The following EEFSEC variants were observed in gnomAD, a reference collection of about 807,000 sequenced individuals.
EEFSEC encodes the protein eukaryotic elongation factor, selenocysteine-tRNA specific.
In EEFSEC, 43 loss-of-function variants were observed where a neutral mutation model predicts 42.1. The ratio of observed to expected loss-of-function variants is 1.02; its 90% confidence interval spans 0.80 to 1.32. The LOEUF (loss-of-function observed/expected upper bound fraction) is 1.32. Ranked by LOEUF, EEFSEC falls within the 40% of genes most tolerant of loss-of-function variation. The pLI is 0.00. For missense variants in EEFSEC, 745 were observed against 803.6 expected, an observed-to-expected ratio of 0.93 and a Z score of 0.88; for synonymous variants, 354 against 339.1, an observed-to-expected ratio of 1.04 and a Z score of -0.48.
chr3:128,379,344 C>T (rs2067746886), intron 6 of EEFSEC, among the ~76,000 whole-genome samples: 1 of 152,190 alleles, frequency 6.6e-6, no homozygotes, highest in Non-Finnish European at 1.5e-5. Context: ...ATTATATGAA[C>T]CCCATCGAAG....
chr3:128,338,720 G>A (rs1037127909), intron 4 of EEFSEC, among the ~76,000 whole-genome samples: 2 of 152,196 alleles, frequency 1.3e-5, no homozygotes, highest in Non-Finnish European at 2.9e-5. Context: ...GCTGCATGGT[G>A]GAGGCTTCCT....
At chr3:128,218,869 G>C (rs1057421969) in intron 1 of EEFSEC, among the ~76,000 whole-genome samples, 1 of 152,176 alleles carries the variant, frequency 6.6e-6, no homozygotes, top group African/African-American at 2.4e-5. Flanking sequence ...TAGACTTCCT[G>C]CTAAGGAACA....
intron 6 of EEFSEC, among the ~76,000 whole-genome samples, chr3:128,400,942 A>G (rs1315657016): frequency 2.6e-5 from 4 of 152,162 alleles, no homozygotes; most frequent in African/African-American, 9.7e-5. Flanking sequence ...ACGGGAAGCC[A>G]TGAGGAGCAG....
chr3:128,424,558 C>G, the EEFSEC span, among the ~76,000 whole-genome samples: 1 of 151,094 alleles, frequency 6.6e-6, no homozygotes, highest in African/African-American at 2.4e-5. Context: ...ATTTTTTTTT[C>G]TTTATTGGTA....
intron 1 of EEFSEC, among the ~76,000 whole-genome samples, chr3:128,243,667 G>C (rs1559883797): frequency 6.6e-6 from 1 of 152,210 alleles, no homozygotes. Context: ...GTGAACCTGG[G>C]GCAGGTGTTC....
intron 1 of EEFSEC, among the ~76,000 whole-genome samples, chr3:128,227,965 C>G (rs934672292): frequency 6.6e-6 from 1 of 152,178 alleles, no homozygotes; most frequent in African/African-American, 2.4e-5. Context: ...TTCAACTTTT[C>G]TCCCCTTTTT....
At chr3:128,219,576 C>G (rs1202781832) in intron 1 of EEFSEC, among the ~76,000 whole-genome samples, 3 of 152,172 alleles carry the variant, frequency 2.0e-5, no homozygotes, top group Admixed American at 6.5e-5. Context: ...ATATCCTCAT[C>G]ACCTCCCACC....
At chr3:128,201,373 G>T (rs1414754503) in intron 1 of EEFSEC, among the ~76,000 whole-genome samples, 1 of 151,686 alleles carries the variant, frequency 6.6e-6, no homozygotes, top group Non-Finnish European at 1.5e-5. Flanking sequence ...CAGAGTTCTG[G>T]GTGTGCTTAA....
intron 2 of EEFSEC, among the ~76,000 whole-genome samples, chr3:128,258,456 A>T (rs1314056933): frequency 6.6e-6 from 1 of 152,184 alleles, no homozygotes; most frequent in Non-Finnish European, 1.5e-5. Context: ...TCTGTGCCTC[A>T]GTTTCCTCAT....
chr3:128,257,898 A>G (rs988592321), intron 2 of EEFSEC, among the ~76,000 whole-genome samples: 1 of 152,224 alleles, frequency 6.6e-6, no homozygotes, highest in East Asian at 1.9e-4. Context: ...GAGGGAGTGC[A>G]GAGCGTTGCC....
intron 4 of EEFSEC, among the ~76,000 whole-genome samples, chr3:128,294,812 C>T (rs765320324): frequency 2.0e-5 from 3 of 152,200 alleles, no homozygotes; most frequent in Non-Finnish European, 4.4e-5. Flanking sequence ...GTTGGAATGG[C>T]AGACTGTTCT....
intron 1 of EEFSEC, among the ~76,000 whole-genome samples, chr3:128,154,459 TTTC>T (rs1391992173): frequency 2.0e-5 from 3 of 152,108 alleles, no homozygotes; most frequent in African/African-American, 7.2e-5. Flanking sequence ...TTTTTTTTTT[TTTC>T]TTTTTGAGAC....
At chr3:128,157,069 A>G (rs1944393146) in intron 1 of EEFSEC, among the ~76,000 whole-genome samples, 1 of 152,262 alleles carries the variant, frequency 6.6e-6, no homozygotes, top group South Asian at 2.1e-4. Context: ...GTGAACACAC[A>G]GATGATAAGA....
chr3:128,384,899 C>T (rs2067820551), intron 6 of EEFSEC, among the ~76,000 whole-genome samples: 1 of 152,182 alleles, frequency 6.6e-6, no homozygotes. Flanking sequence ...GTTGCCCGCA[C>T]AAAAGCAGCA....
chr3:128,316,364 ATTGT>A (rs1322193297), intron 4 of EEFSEC, among the ~76,000 whole-genome samples: 1 of 152,130 alleles, frequency 6.6e-6, no homozygotes, highest in Non-Finnish European at 1.5e-5. Context: ...TGTCATAGGC[ATTGT>A]TTGTTATGTC....
intron 5 of EEFSEC, among the ~76,000 whole-genome samples, chr3:128,343,746 C>G (rs1020311945): frequency 6.6e-6 from 1 of 152,138 alleles, no homozygotes; most frequent in African/African-American, 2.4e-5. Context: ...AAACATATGG[C>G]CTCAATGACT....
intron 1 of EEFSEC, among the ~76,000 whole-genome samples, chr3:128,187,842 G>A (rs75519637): frequency 0.013 from 1,957 of 152,332 alleles, 52 homozygotes; most frequent in African/African-American, 0.044. Flanking sequence ...CTGCCTGGTA[G>A]CAATGAGAGA....
intron 1 of EEFSEC, among the ~76,000 whole-genome samples, chr3:128,164,442 C>T (rs935350619): frequency 6.6e-6 from 1 of 152,118 alleles, no homozygotes. Flanking sequence ...GAAGGATGAC[C>T]TGTGGATTTC....
At chr3:128,306,264 T>G (rs369909242) in intron 4 of EEFSEC, among the ~76,000 whole-genome samples, 32 of 152,358 alleles carry the variant, frequency 2.1e-4, no homozygotes, top group African/African-American at 7.2e-4. Flanking sequence ...ACCCCCCACC[T>G]TATAATATAG....
Sources: gnomAD v4.1 joint callset for allele counts (sites outside exome capture counted in the v4.1 genomes callset) on GRCh38, gnomAD v4.1.1 for gene constraint, MANE v1.5 for transcripts, NCBI Gene and HGNC (gene_info 2026-07-23, HGNC 2026-07-21) for gene names.